NFAT5: variants seen among roughly 807,000 people sequenced by gnomAD.
NFAT5 encodes nuclear factor of activated T-cells 5.
A neutral mutation model predicts 166.5 loss-of-function variants in NFAT5; 31 were observed. That is an observed-to-expected ratio of 0.19 (90% CI 0.14 to 0.25). The LOEUF is 0.25. NFAT5 is among the 10% of genes least tolerant of loss of function. NFAT5 has a pLI of 1.00. For synonymous variants in NFAT5, 612 were observed against 639.7 expected (o/e 0.96, Z 0.65); for missense variants, 1,449 against 1,821.8 (o/e 0.80, Z 3.72).
Position 69,693,275 on chromosome 16 carries a change from T to C in NFAT5, c.3450T>C (p.Pro1150=). The change falls in exon 13 of 15, where the codon CCT becomes CCC. Residue 1150 remains proline (P), a synonymous_variant. Coordinates refer to ENST00000349945, the MANE Select transcript of NFAT5 (RefSeq NM_138713.4). ...CTGTGTTACAGGGCTCTTCAGTTCC[T>C]CAAGACCAGCAGTCAACCAACATAT... ...TIAVLQGSSV[P]QDQQSTNIFL... 2 of 1,614,194 alleles carry C rather than the reference T, an allele frequency of 1.2e-6. No individual in the cohort carries two copies. Among genetic ancestry groups the C allele is most frequent in the Non-Finnish European group, 8.5e-7 (1 of 1,180,026 alleles).
At chr16:69,607,652 C>T (rs2033485876) in intron 2 of NFAT5, among the ~76,000 whole-genome samples, 1 of 152,164 alleles carries the variant, frequency 6.6e-6, no homozygotes, top group Non-Finnish European at 1.5e-5. Context: ...AGAGCATAGC[C>T]ACTGGCAAAT....
At chr16:69,603,127 T>G (rs1269304908) in intron 2 of NFAT5, among the ~76,000 whole-genome samples, 1 of 152,114 alleles carries the variant, frequency 6.6e-6, no homozygotes, top group African/African-American at 2.4e-5. Flanking sequence ...CTATAGAAAA[T>G]AGACTAAAAT....
chr16:69,566,461 C>A lies in NFAT5; in HGVS notation c.73+87C>A, dbSNP rs1288113789. 8.4e-7 allele frequency: 1 copy of A among 1,186,158 alleles called. No individual in the cohort carries two copies. The highest frequency in any genetic ancestry group is 1.5e-5 in the African/African-American group (1 of 65,938). The allele number at this position is 1,186,158 out of a possible 1,614,324, so 73.5% of individuals were successfully genotyped here. ...GCCAGGGGAGGCGAGGGGTCCCCGTCCCGCCGGGGGCGGCTGAGCCGCGAC... is the reference window on the plus strand; with the variant it reads ...GCCAGGGGAGGCGAGGGGTCCCCGTACCGCCGGGGGCGGCTGAGCCGCGAC... On this transcript the variant is annotated intron_variant, in intron 1 of 14. Coordinates refer to ENST00000349945, the MANE Select transcript of NFAT5 (RefSeq NM_138713.4). This position sits in a 1 kb window ranked among gnomAD's most constrained non-coding sequence, Gnocchi z 5.7.
At chr16:69,677,451 G>A in intron 10 of NFAT5, 116 bp downstream of exon 10, 1 of 788,936 alleles carries the variant, frequency 1.3e-6, no homozygotes, top group Non-Finnish European at 1.9e-6. Flanking sequence ...ATGAATTGAT[G>A]TTAGTTTCTT....
intron 2 of NFAT5, among the ~76,000 whole-genome samples, chr16:69,588,211 A>G (rs1232095840): frequency 6.6e-6 from 1 of 152,050 alleles, no homozygotes; most frequent in Admixed American, 6.5e-5. Context: ...CGGCCTCCCA[A>G]AGTGCTGGAA....
intron 10 of NFAT5, among the ~76,000 whole-genome samples, chr16:69,680,788 C>T (rs2037026524): frequency 6.6e-6 from 1 of 151,866 alleles, no homozygotes; most frequent in African/African-American, 2.4e-5. Context: ...GAGATGAATT[C>T]TTGCTCTGTC....
At chr16:69,575,559 A>G (rs1021408805) in intron 2 of NFAT5, among the ~76,000 whole-genome samples, 16 of 152,124 alleles carry the variant, frequency 1.1e-4, no homozygotes, top group Non-Finnish European at 2.2e-4. Context: ...TTGAGCCTGC[A>G]TGATCATGGG....
chr16:69,626,141 A>T (rs2034448795), intron 2 of NFAT5, among the ~76,000 whole-genome samples: 1 of 150,506 alleles, frequency 6.6e-6, no homozygotes, highest in Admixed American at 6.6e-5. Context: ...TTTTGTAGAG[A>T]TGGGGGTCAC....
chr16:69,609,819 G>GAAAAAAAAAAAAAAA, intron 2 of NFAT5, among the ~76,000 whole-genome samples: 1 of 75,324 alleles, frequency 1.3e-5, no homozygotes, highest in Non-Finnish European at 2.7e-5. Flanking sequence ...TGTCTCTACT[G>GAAAAAAAAAAAAAAA]AAAAAAAAAA....
chr16:69,568,137 AC>A, intron 1 of NFAT5, among the ~76,000 whole-genome samples: 1 of 151,834 alleles, frequency 6.6e-6, no homozygotes, highest in East Asian at 1.9e-4. Context: ...ATTTGGAGAA[AC>A]CCCGTCACCC....
intron 3 of NFAT5, among the ~76,000 whole-genome samples, chr16:69,642,663 A>C (rs1315084744): frequency 6.6e-6 from 1 of 151,880 alleles, no homozygotes; most frequent in Non-Finnish European, 1.5e-5. Flanking sequence ...CTAAAAATAC[A>C]AAAATTAGCC....
chr16:69,678,223 A>C (rs1477072748), intron 10 of NFAT5, among the ~76,000 whole-genome samples: 1 of 148,202 alleles, frequency 6.7e-6, no homozygotes, highest in African/African-American at 2.5e-5. Context: ...TTTTTTTTGC[A>C]TGTGAGTGGG....
chr16:69,637,208 G>T (rs1597447037), intron 3 of NFAT5, among the ~76,000 whole-genome samples: 1 of 152,046 alleles, frequency 6.6e-6, no homozygotes, highest in Non-Finnish European at 1.5e-5. Flanking sequence ...CTCCATCAGA[G>T]ACCTGGACCT....
At position 69,643,239 on chromosome 16, in the gene NFAT5, T is replaced by G. The variant is rs1465131365; in HGVS notation, c.254-3789T>G. ...TCTCAAAAAAAAAAAAAAAAAAGAA[T>G]ATATAGACGGGTCAGAACTGCATTC... On this transcript the variant is annotated intron_variant, in intron 3 of 14. Transcript: ENST00000349945. Among the ~76,000 whole-genome samples, 3 of 144,886 alleles carry G rather than the reference T, an allele frequency of 2.1e-5. No homozygotes were observed. In the East Asian group the frequency reaches 6.2e-4, roughly 30 times the overall value.
At chr16:69,575,613 G>A (rs554476213) in intron 2 of NFAT5, among the ~76,000 whole-genome samples, 7 of 151,718 alleles carry the variant, frequency 4.6e-5, no homozygotes, top group Admixed American at 1.3e-4. Flanking sequence ...GCAAGACCCT[G>A]TCTTAAAAAA....
intron 3 of NFAT5, among the ~76,000 whole-genome samples, chr16:69,633,221 TAATA>T (rs1457276778): frequency 2.0e-5 from 3 of 152,196 alleles, no homozygotes; most frequent in African/African-American, 4.8e-5. Context: ...ATTCAGTTTC[TAATA>T]AATAAGCATA....
At chr16:69,652,426 T>C (rs1202050780) in intron 4 of NFAT5, among the ~76,000 whole-genome samples, 1 of 145,660 alleles carries the variant, frequency 6.9e-6, no homozygotes, top group Non-Finnish European at 1.5e-5. Context: ...CACTCCAGCC[T>C]GGATGACAGA....
chr16:69,630,609 A>G (rs1199315554), intron 3 of NFAT5, among the ~76,000 whole-genome samples: 1 of 152,258 alleles, frequency 6.6e-6, no homozygotes, highest in Non-Finnish European at 1.5e-5. Context: ...TAATTAAAAG[A>G]GAGGCCACGT....
intron 2 of NFAT5, among the ~76,000 whole-genome samples, chr16:69,619,380 C>T (rs1045263104): frequency 6.6e-5 from 10 of 152,230 alleles, no homozygotes; most frequent in African/African-American, 2.4e-4. Context: ...AAAAAGAACA[C>T]CTGTGAACCC....
Sources: allele counts gnomAD v4.1 joint callset (sites outside exome capture counted in the v4.1 genomes callset), GRCh38; gene constraint gnomAD v4.1.1; non-coding constraint Gnocchi (gnomAD v3.1); transcripts MANE v1.5; gene names NCBI Gene and HGNC (gene_info 2026-07-23, HGNC 2026-07-21).